Variants in GBE1 observed in about 807,000 individuals in gnomAD.
GBE1 encodes 1,4-alpha-glucan branching enzyme 1.
Under a neutral mutation model 88.8 loss-of-function variants are expected in GBE1, and 70 were observed. That is an observed-to-expected ratio of 0.79 (90% CI 0.65 to 0.96). The LOEUF (loss-of-function observed/expected upper bound fraction) is 0.96, where lower values mean the gene tolerates loss of function less well. GBE1 is among the 40% of genes least tolerant of loss of function. The probability of loss-of-function intolerance (pLI) is 0.00; values close to 1 mark genes in which losing one functional copy is unlikely to be tolerated. For missense variants in GBE1, 872 were observed against 871.0 expected (o/e 1.00, Z -0.01); for synonymous variants, 284 against 300.1 (o/e 0.95, Z 0.56).
At chr3:81,681,782 G>A (rs1346713329) in intron 2 of GBE1, among the ~76,000 whole-genome samples, 1 of 152,032 alleles carries the variant, frequency 6.6e-6, no homozygotes, top group African/African-American at 2.4e-5. Context: ...GAATAAATTT[G>A]GATTCCTGCC....
At chr3:81,558,137 T>C (rs1703372337) in intron 12 of GBE1, among the ~76,000 whole-genome samples, 2 of 152,024 alleles carry the variant, frequency 1.3e-5, no homozygotes, top group Admixed American at 1.3e-4. Context: ...TGGTAACCTA[T>C]TTCTCAATTT....
intron 12 of GBE1, among the ~76,000 whole-genome samples, chr3:81,546,961 T>C (rs1703212906): frequency 6.6e-6 from 1 of 151,108 alleles, no homozygotes; most frequent in Admixed American, 6.6e-5. Flanking sequence ...GAAGGAACAA[T>C]ACTAAGGAAA....
chr3:81,610,077 G>A (rs1313882611), intron 7 of GBE1, among the ~76,000 whole-genome samples: 1 of 152,156 alleles, frequency 6.6e-6, no homozygotes, highest in Admixed American at 6.6e-5. Flanking sequence ...ACAAAAATTA[G>A]TATTGCTCTG....
intron 14 of GBE1, among the ~76,000 whole-genome samples, chr3:81,500,298 G>A (rs1000172402): frequency 8.5e-5 from 13 of 152,050 alleles, no homozygotes; most frequent in African/African-American, 2.9e-4. Context: ...ACCAGGCACA[G>A]GGACATTTAA....
Position 81,705,474 on chromosome 3 carries a change from C to T in GBE1, c.283G>A (p.Ala95Thr). Residue 95 changes from alanine to threonine, a missense_variant, in exon 2 of 16, where the codon GCA becomes ACA. Physicochemically the swap from Ala to Thr is moderately conservative, Grantham distance 58. Transcript: ENST00000429644. ...TCTCCAGTAAGAAAAACTCCTTCTG[C>T]TCCCGGGGCCCATTCTTTGCAGTAT... The part of the protein sequence containing the change: ...GLYCKEWAPG[A>T]EGVFLTGDFN... 6.3e-7 allele frequency: 1 copy of T among 1,597,508 alleles called. No individual in the cohort carries two copies. The highest frequency in any genetic ancestry group is 1.7e-5 in the Admixed American group (1 of 57,284).
chr3:81,500,827 A>AT (rs1343966482), intron 14 of GBE1, among the ~76,000 whole-genome samples: 1 of 152,172 alleles, frequency 6.6e-6, no homozygotes, highest in Non-Finnish European at 1.5e-5. Flanking sequence ...TACTATTAAA[A>AT]TGCAGATTAT....
chr3:81,736,295 G>A (rs530598596), intron 1 of GBE1, among the ~76,000 whole-genome samples: 12 of 152,272 alleles, frequency 7.9e-5, no homozygotes, highest in Non-Finnish European at 1.6e-4. Flanking sequence ...AGCTAGAAAC[G>A]TTAAGGGATC....
At position 81,492,329 on chromosome 3, in the gene GBE1, T is replaced by C. The variant is rs992814030; in HGVS notation, c.2053-1866A>G. 3.9e-5 allele frequency among the ~76,000 whole-genome samples: 6 copies of C among 152,160 alleles called. 1 individual carries two copies. In the East Asian group the frequency reaches 1.2e-3, roughly 29 times the overall value. On this transcript the variant is annotated intron_variant, in intron 15 of 15. Coordinates refer to ENST00000429644, the MANE Select transcript of GBE1 (RefSeq NM_000158.4). Reference sequence around the variant, plus strand: ...TTTCTCTTTGTCATACGTAAGATGTTACGAGACTGATTCAATAAAAGGAAG... The same window carrying C: ...TTTCTCTTTGTCATACGTAAGATGTCACGAGACTGATTCAATAAAAGGAAG...
intron 8 of GBE1, 60 bp downstream of exon 8, chr3:81,593,848 A>T (rs1467454007): frequency 2.6e-6 from 2 of 760,206 alleles, no homozygotes; most frequent in Non-Finnish European, 4.4e-6. Context: ...CCAAGACACC[A>T]GTAATGGCTA....
chr3:81,659,963 C>A (rs1002300283), intron 3 of GBE1, among the ~76,000 whole-genome samples: 3 of 152,050 alleles, frequency 2.0e-5, no homozygotes, highest in Non-Finnish European at 2.9e-5. Flanking sequence ...TCATTCTTTT[C>A]TCTCCTTTCT....
intron 2 of GBE1, among the ~76,000 whole-genome samples, chr3:81,687,525 A>G (rs1478287264): frequency 6.6e-6 from 1 of 152,182 alleles, no homozygotes; most frequent in Admixed American, 6.5e-5. Context: ...AAAAATGAGG[A>G]GGTAGTAAAA....
chr3:81,645,807 T>C (rs536022662), intron 6 of GBE1, among the ~76,000 whole-genome samples: 1 of 152,350 alleles, frequency 6.6e-6, no homozygotes, highest in African/African-American at 2.4e-5. Flanking sequence ...AATAATAATC[T>C]GTATGAATGA....
intron 1 of GBE1, among the ~76,000 whole-genome samples, chr3:81,757,263 A>G (rs1559711110): frequency 6.6e-6 from 1 of 152,198 alleles, no homozygotes; most frequent in African/African-American, 2.4e-5. Context: ...GGGAGGCTGA[A>G]AAGGTCAACA....
chr3:81,620,692 T>C (rs2107012278), intron 7 of GBE1, among the ~76,000 whole-genome samples: 1 of 152,218 alleles, frequency 6.6e-6, no homozygotes, highest in East Asian at 1.9e-4. Flanking sequence ...GTGTAATTTA[T>C]ACAATATTAG....
At chr3:81,626,768 G>C (rs559021975) in intron 7 of GBE1, among the ~76,000 whole-genome samples, 254 of 151,086 alleles carry the variant, frequency 1.7e-3, no homozygotes, top group African/African-American at 5.9e-3. Flanking sequence ...TCTTCTATGT[G>C]CATTTGAAGT....
At chr3:81,670,466 C>T (rs567201338) in intron 3 of GBE1, among the ~76,000 whole-genome samples, 1 of 152,310 alleles carries the variant, frequency 6.6e-6, no homozygotes, top group African/African-American at 2.4e-5. Context: ...CACCCGACCT[C>T]TTTACAGATA....
intron 12 of GBE1, among the ~76,000 whole-genome samples, chr3:81,574,023 A>G (rs1375961007): frequency 2.6e-5 from 4 of 152,236 alleles, no homozygotes; most frequent in African/African-American, 9.6e-5. Context: ...AGCATCGTTC[A>G]GTAGACATCA....
intron 3 of GBE1, among the ~76,000 whole-genome samples, chr3:81,659,502 A>ATTTTT (rs35138103): frequency 3.1e-5 from 4 of 127,050 alleles, no homozygotes; most frequent in African/African-American, 3.1e-5. Flanking sequence ...CGCCCGGCTA[A>ATTTTT]TTTTTTTTTT....
At position 81,549,593 on chromosome 3, in the gene GBE1, G is replaced by A. The variant is rs192269442; in HGVS notation, c.1619-12498C>T. On this transcript the variant is annotated intron_variant, in intron 12 of 15. Transcript: ENST00000429644. ...ATGTCACTTTCTGATAAGCCCAGGA[G>A]CCCCAAGCTATCTTGTGACTTCAAG... is the stretch of plus-strand genomic sequence containing the variant. Among the ~76,000 whole-genome samples the A allele has an allele frequency of 6.7e-3, 1,019 of 151,428 alleles. 40 individuals carry two copies. Among genetic ancestry groups the A allele is most frequent in the Non-Finnish European group, 8.3e-3 (564 of 67,610 alleles).
Sources: gnomAD v4.1 joint callset for allele counts (sites outside exome capture counted in the v4.1 genomes callset) on GRCh38, gnomAD v4.1.1 for gene constraint, MANE v1.5 for transcripts, NCBI Gene and HGNC (gene_info 2026-07-23, HGNC 2026-07-21) for gene names.